Variants in FRYL observed in about 807,000 individuals in gnomAD.
The protein encoded by FRYL is protein furry homolog-like.
In FRYL, 150 loss-of-function variants were observed where a neutral mutation model predicts 351.2. That is an observed-to-expected ratio of 0.43 (90% CI 0.37 to 0.49). The LOEUF (loss-of-function observed/expected upper bound fraction) is 0.49, where lower values mean the gene tolerates loss of function less well. Ranked by LOEUF, FRYL falls within the 20% of genes least tolerant of loss-of-function variation. The pLI is 0.00. For synonymous variants in FRYL, 1,153 were observed against 1,257.1 expected (o/e 0.92, Z 1.75); for missense variants, 3,036 against 3,619.3 (o/e 0.84, Z 4.13).
chr4:48,731,728 C>T (rs1770749682), intron 1 of FRYL, among the ~76,000 whole-genome samples: 1 of 152,114 alleles, frequency 6.6e-6, no homozygotes, highest in African/African-American at 2.4e-5. Context: ...ACTGGCTAGC[C>T]ATATGCAGAA....
chr4:48,509,582 A>G (rs1374972547), intron 59 of FRYL, among the ~76,000 whole-genome samples: 1 of 152,224 alleles, frequency 6.6e-6, no homozygotes, highest in Non-Finnish European at 1.5e-5. Context: ...TAGGGAAGGA[A>G]CAGAGCTACT....
At position 48,602,056 on chromosome 4, in the gene FRYL, C is replaced by A. The variant is rs1745823424; in HGVS notation, c.999G>T (p.Trp333Cys). The change falls in exon 13 of 64, where the codon TGG becomes TGT. Residue 333 changes from tryptophan to cysteine, a missense_variant. By Grantham distance (215) the Trp-to-Cys change is radical (BLOSUM62 -2). This residue lies in a region of FRYL where 457 missense variants were observed against 566.6 expected (regional missense o/e 0.81). Coordinates refer to ENST00000358350, the MANE Select transcript of FRYL (RefSeq NM_015030.2). ...ACAAACAGTTCTGTAGGAAAATATGCCAGTTATTTAAAAAAAATTGTTTCT... is the reference window on the plus strand; with the variant it reads ...ACAAACAGTTCTGTAGGAAAATATGACAGTTATTTAAAAAAAATTGTTTCT... The part of the protein sequence containing the change: ...VSQKQFFLNN[W>C]HIFLQNCLSH... 6.3e-7 allele frequency: 1 copy of A among 1,599,300 alleles called. No homozygotes were observed. The highest frequency in any genetic ancestry group is 1.3e-5 in the African/African-American group (1 of 74,454).
Position 48,586,562 on chromosome 4 carries a change from T to G in FRYL, c.1748+59A>C, listed in dbSNP as rs930136271. Reference sequence around the variant, plus strand: ...AGTGATAACAGTAACAAAGGTATATTAGAAATATAAAGGAGCAGAAGACAT... The same window carrying G: ...AGTGATAACAGTAACAAAGGTATATGAGAAATATAAAGGAGCAGAAGACAT... On this transcript the variant is annotated intron_variant, in intron 19 of 63. Transcript: ENST00000358350. The G allele has an allele frequency of 3.6e-6, 4 of 1,105,328 alleles. No homozygotes were observed. In the African/African-American group the frequency reaches 4.7e-5, roughly 13 times the overall value. 68.5% of individuals were successfully genotyped at this position (1,105,328 alleles called of 1,614,324 possible).
chr4:48,756,073 A>G, intron 1 of FRYL, among the ~76,000 whole-genome samples: 1 of 152,008 alleles, frequency 6.6e-6, no homozygotes, highest in Non-Finnish European at 1.5e-5. Flanking sequence ...ATCTCTATAA[A>G]AAATGAAAAA....
intron 60 of FRYL, among the ~76,000 whole-genome samples, chr4:48,503,779 A>G (rs770617466): frequency 3.0e-4 from 46 of 152,308 alleles, no homozygotes; most frequent in Non-Finnish European, 6.6e-4. Context: ...TGCTTACCAT[A>G]AATTATGTGG....
At chr4:48,755,334 T>C (rs1773662277) in intron 1 of FRYL, among the ~76,000 whole-genome samples, 1 of 152,176 alleles carries the variant, frequency 6.6e-6, no homozygotes, top group Non-Finnish European at 1.5e-5. Flanking sequence ...TTCCAGAAAT[T>C]TGATACACAT....
chr4:48,502,561 A>G (rs2148707509), intron 61 of FRYL, among the ~76,000 whole-genome samples: 1 of 151,214 alleles, frequency 6.6e-6, no homozygotes, highest in Admixed American at 6.6e-5. Flanking sequence ...AAAAAAAAAA[A>G]GTTGTGCACT....
chr4:48,567,731 G>A lies in FRYL; in HGVS notation c.2997-311C>T, dbSNP rs1737101075. On this transcript the variant is annotated intron_variant, in intron 27 of 63. Transcript: ENST00000358350. This position sits in a 1 kb window ranked among gnomAD's most constrained non-coding sequence, Gnocchi z 4.2. ...AGATTTCTAAATACAGAGACAGGAG[G>A]CATATGAAATGGGGAGGATCAGTTT... is the stretch of plus-strand genomic sequence containing the variant. 6.6e-6 allele frequency among the ~76,000 whole-genome samples: 1 copy of A among 152,188 alleles called. No homozygotes were observed. Among genetic ancestry groups the A allele is most frequent in the African/African-American group, 2.4e-5 (1 of 41,448 alleles).
chr4:48,740,562 T>G (rs1310414728), intron 1 of FRYL, among the ~76,000 whole-genome samples: 1 of 152,114 alleles, frequency 6.6e-6, no homozygotes, highest in Non-Finnish European at 1.5e-5. Flanking sequence ...CCCAAAGTGC[T>G]GGGATTAGAG....
At chr4:48,677,584 TATTTTTAA>T (rs1315402454) in intron 3 of FRYL, among the ~76,000 whole-genome samples, 1 of 152,154 alleles carries the variant, frequency 6.6e-6, no homozygotes, top group Admixed American at 6.5e-5. Context: ...CTAATTTTTG[TATTTTTAA>T]TAGAGACGGG....
intron 50 of FRYL, 133 bp from the exon 51 acceptor site, chr4:48,528,469 G>A: frequency 3.9e-6 from 2 of 516,566 alleles, no homozygotes; most frequent in Middle Eastern, 1.0e-3. Context: ...CTTTGCATGA[G>A]GCAGATGTTA....
intron 3 of FRYL, among the ~76,000 whole-genome samples, chr4:48,670,795 G>C (rs1578648520): frequency 6.6e-6 from 1 of 152,260 alleles, no homozygotes; most frequent in Middle Eastern, 3.4e-3. Context: ...TTTCACAGCT[G>C]AATAGTACTC....
intron 27 of FRYL, among the ~76,000 whole-genome samples, chr4:48,569,778 A>C (rs554081590): frequency 6.6e-6 from 1 of 152,322 alleles, no homozygotes; most frequent in Non-Finnish European, 1.5e-5. Flanking sequence ...TGCAGTTATC[A>C]TAGTTACTAC....
At chr4:48,523,211 T>C (rs1359621019) in intron 53 of FRYL, 107 bp from the exon 54 acceptor site, 1 of 687,982 alleles carries the variant, frequency 1.5e-6, no homozygotes, top group Non-Finnish European at 2.5e-6. Context: ...ACTTAATGCA[T>C]CATTAAAAGC....
intron 47 of FRYL, among the ~76,000 whole-genome samples, chr4:48,539,236 G>A (rs1481384065): frequency 2.6e-5 from 4 of 152,118 alleles, no homozygotes; most frequent in Non-Finnish European, 5.9e-5. Flanking sequence ...AGTAGAGAGA[G>A]AAGATGAAGA....
chr4:48,577,919 T>A (rs1739986474), intron 23 of FRYL, among the ~76,000 whole-genome samples: 1 of 148,930 alleles, frequency 6.7e-6, no homozygotes, highest in Admixed American at 6.7e-5. Flanking sequence ...AAAAAAGAAA[T>A]CCAATACACA....
Position 48,565,553 on chromosome 4 carries a change from C to T in FRYL, c.3308G>A (p.Arg1103Lys). Residue 1103 changes from arginine to lysine, a missense_variant, in exon 29 of 64, where the codon AGA becomes AAA. Coordinates refer to ENST00000358350, the MANE Select transcript of FRYL (RefSeq NM_015030.2). ...TACCTTTAACGCACAGTATTGATGT[C>T]TATTAATTTGCATATTTCTATCACT... ...RYSDRNMQINRHQYCALKAMS... is the reference protein window; with the variant it reads ...RYSDRNMQINKHQYCALKAMS... The T allele has an allele frequency of 1.2e-6, 2 of 1,608,664 alleles. No individual in the cohort carries two copies. The highest frequency in any genetic ancestry group is 1.7e-6 in the Non-Finnish European group (2 of 1,178,732).
intron 1 of FRYL, among the ~76,000 whole-genome samples, chr4:48,762,276 C>T (rs1225187334): frequency 6.6e-6 from 1 of 152,330 alleles, no homozygotes; most frequent in East Asian, 1.9e-4. Flanking sequence ...ATATTATGAA[C>T]ATTTTAACAT....
chr4:48,747,200 A>C (rs1197513536), intron 1 of FRYL, among the ~76,000 whole-genome samples: 1 of 148,748 alleles, frequency 6.7e-6, no homozygotes, highest in Non-Finnish European at 1.5e-5. Flanking sequence ...AGAAGTAACA[A>C]CATTCTTGCA....
Sources: allele counts gnomAD v4.1 joint callset (sites outside exome capture counted in the v4.1 genomes callset), GRCh38; gene constraint gnomAD v4.1.1; regional missense constraint gnomAD v4.1.1; non-coding constraint Gnocchi (gnomAD v3.1); transcripts MANE v1.5; gene names NCBI Gene and HGNC (gene_info 2026-07-23, HGNC 2026-07-21).